Variants in NCAPD3 observed in about 807,000 individuals in gnomAD.
NCAPD3 encodes the protein condensin-2 complex subunit D3.
NCAPD3 carries 105 observed loss-of-function variants against 182.9 expected under a neutral mutation model. The observed-to-expected ratio is 0.57, with a 90% CI of 0.49 to 0.68. NCAPD3 has a LOEUF of 0.68. Among genes scored for constraint, NCAPD3 ranks in the 30% least tolerant of loss-of-function variants. NCAPD3 has a pLI of 0.00. For missense variants in NCAPD3, 1,944 were observed against 1,837.0 expected (o/e 1.06, Z -1.07); for synonymous variants, 815 against 679.9 (o/e 1.20, Z -3.09).
intron 8 of NCAPD3, among the ~76,000 whole-genome samples, chr11:134,205,567 G>A (rs1434342662): frequency 6.6e-6 from 1 of 151,968 alleles, no homozygotes; most frequent in Admixed American, 6.6e-5. Flanking sequence ...AGTAGAGACA[G>A]GGTTTCACCA....
chr11:134,201,712 T>C (rs889446433), intron 13 of NCAPD3, among the ~76,000 whole-genome samples: 6 of 152,222 alleles, frequency 3.9e-5, no homozygotes, highest in African/African-American at 1.4e-4. Context: ...CAACTTGATA[T>C]TGCTTGAAAA....
intron 2 of NCAPD3, among the ~76,000 whole-genome samples, chr11:134,219,509 C>A (rs1938150850): frequency 1.3e-5 from 2 of 152,106 alleles, no homozygotes; most frequent in African/African-American, 4.8e-5. Context: ...AACTCAGGTA[C>A]TTAAGGCAGT....
In NCAPD3 at chr11:134,168,598, T is replaced by A. The variant is rs761450106; in HGVS notation, c.3244A>T (p.Lys1082Ter). 8.1e-6 allele frequency: 13 copies of A among 1,613,948 alleles called. No homozygotes were observed. The highest frequency in any genetic ancestry group is 8.5e-7 in the Non-Finnish European group (1 of 1,180,014). Residue 1082 changes from lysine to a stop codon, truncating the protein, a stop_gained, in exon 26 of 35, where the codon AAG becomes TAG. Transcript: ENST00000534548. LOFTEE classifies it high-confidence loss of function. ...TTTCCCTTCAATGAAAACAGCCGCTTCTCTCTGTGGCAGAACGGGACAAGT... is the reference window on the plus strand; with the variant it reads ...TTTCCCTTCAATGAAAACAGCCGCTACTCTCTGTGGCAGAACGGGACAAGT... ...YNKFPQSERE[K>*]RLFSLKGKSN...
At position 134,210,167 on chromosome 11, in the gene NCAPD3, C is replaced by T; in HGVS notation, c.567+103G>A. ...GCTTATGATGGTTTAGGACCATTTG[C>T]CTATAATCATGATGCCTGAAACCAT... On this transcript the variant is annotated intron_variant, in intron 4 of 34. Transcript: ENST00000534548. 5.2e-6 allele frequency: 5 copies of T among 962,160 alleles called. No individual in the cohort carries two copies. The South Asian group carries it at 8.3e-5, about 16-fold the overall frequency. The allele number at this position is 962,160 out of a possible 1,614,324, so 59.6% of individuals were successfully genotyped here.
upstream of NCAPD3, chr11:134,225,281 C>T (rs751558345): frequency 6.2e-7 from 1 of 1,614,154 alleles, no homozygotes. Flanking sequence ...TGAGCCTTGC[C>T]CTCAAGAACC....
At chr11:134,153,416 C>G in intron 32 of NCAPD3, 53 bp from the exon 33 acceptor site, 1 of 1,577,298 alleles carries the variant, frequency 6.3e-7, no homozygotes, top group African/African-American at 1.3e-5. Context: ...TATCGGAGGT[C>G]TCTGTTCTAG....
At chr11:134,205,987 C>T (rs1937603683) in intron 8 of NCAPD3, among the ~76,000 whole-genome samples, 1 of 151,998 alleles carries the variant, frequency 6.6e-6, no homozygotes, top group Admixed American at 6.6e-5. Context: ...ACACTGCACG[C>T]CAAAAATCAG....
At chr11:134,225,104 C>T (rs1938417417), upstream of NCAPD3, 1 of 1,584,322 alleles carries the variant, frequency 6.3e-7, no homozygotes, top group African/African-American at 1.3e-5. Flanking sequence ...TACCGAGACC[C>T]GCCCGGCCCG....
chr11:134,207,341 C>T (rs1249857919), intron 7 of NCAPD3, among the ~76,000 whole-genome samples: 2 of 151,962 alleles, frequency 1.3e-5, no homozygotes, highest in African/African-American at 4.8e-5. Context: ...GTATAATTTC[C>T]ACTTCACAGA....
intron 1 of NCAPD3, chr11:134,223,545 T>C (rs1276738567): frequency 1.4e-6 from 1 of 700,058 alleles, no homozygotes; most frequent in Non-Finnish European, 2.6e-6. Context: ...TTTAAAACCA[T>C]CTTAATAGGT....
intron 32 of NCAPD3, 103 bp from the exon 33 acceptor site, chr11:134,153,466 C>T (rs1037092724): frequency 8.3e-7 from 1 of 1,198,720 alleles, no homozygotes; most frequent in African/African-American, 1.5e-5. Flanking sequence ...CATCAGTGTC[C>T]CAGCGGCGGC....
At chr11:134,164,588 G>A (rs1943702459) in intron 27 of NCAPD3, among the ~76,000 whole-genome samples, 1 of 151,838 alleles carries the variant, frequency 6.6e-6, no homozygotes, top group Admixed American at 6.6e-5. Flanking sequence ...ACTCACTTGT[G>A]ACATGAGCTT....
upstream of NCAPD3, chr11:134,225,257 G>A (rs1938427519): frequency 6.2e-7 from 1 of 1,614,034 alleles, no homozygotes; most frequent in Non-Finnish European, 8.5e-7. Context: ...ACGGGGAGAC[G>A]GTCTCCGGGA....
chr11:134,167,756 A>C (rs1212812778), intron 27 of NCAPD3, among the ~76,000 whole-genome samples: 10 of 111,058 alleles, frequency 9.0e-5, no homozygotes, highest in South Asian at 3.2e-4. Flanking sequence ...TAGGGAGAGC[A>C]GCACACTCAC....
chr11:134,207,742 CAAAAAAAAAAAAA>C (rs34965902), intron 7 of NCAPD3, among the ~76,000 whole-genome samples: 23 of 62,098 alleles, frequency 3.7e-4, no homozygotes, highest in African/African-American at 1.3e-3. Flanking sequence ...GACTGCGTCT[CAAAAAAAAAAAAA>C]AAAAAAAAAA....
At chr11:134,163,028 G>C (rs552245053) in intron 27 of NCAPD3, among the ~76,000 whole-genome samples, 2 of 152,130 alleles carry the variant, frequency 1.3e-5, no homozygotes, top group South Asian at 4.2e-4. Flanking sequence ...ACACGAGTAG[G>C]GGGCAGCTCG....
At chr11:134,206,844 C>T in intron 7 of NCAPD3, 112 bp from the exon 8 acceptor site, 1 of 1,143,096 alleles carries the variant, frequency 8.7e-7, no homozygotes, top group Non-Finnish European at 1.2e-6. Flanking sequence ...GTAGGTCAGG[C>T]TGGCATAATT....
chr11:134,150,678 T>TAG lies in NCAPD3; in HGVS notation c.*2265_*2266insCT, dbSNP rs1203001935. On this transcript the variant is annotated 3_prime_UTR_variant, in exon 35 of 35. Coordinates refer to ENST00000534548, the MANE Select transcript of NCAPD3 (RefSeq NM_015261.3). ...AAGTTTGTTTAATTATTTGTTAAGA[T>TAG]TGTCTAAGGCCAAAGGCAATTGCGA... is the stretch of plus-strand genomic sequence containing the variant. 1 of 152,032 alleles carries TAG rather than the reference T, an allele frequency of 6.6e-6. No homozygotes were observed. The highest frequency in any genetic ancestry group is 1.5e-5 in the Non-Finnish European group (1 of 68,000). 9.4% of individuals were successfully genotyped at this position (152,032 alleles called of 1,614,324 possible).
At chr11:134,172,355 CCA>C (rs1289823325) in intron 24 of NCAPD3, among the ~76,000 whole-genome samples, 1 of 152,202 alleles carries the variant, frequency 6.6e-6, no homozygotes, top group African/African-American at 2.4e-5. Context: ...GACCCTGTTG[CCA>C]CACTGGAGAT....
Sources: allele counts gnomAD v4.1 joint callset (sites outside exome capture counted in the v4.1 genomes callset), GRCh38; gene constraint gnomAD v4.1.1; transcripts MANE v1.5; gene names NCBI Gene and HGNC (gene_info 2026-07-23, HGNC 2026-07-21).